MYO3B: variants seen among roughly 807,000 people sequenced by gnomAD.
The protein encoded by MYO3B is myosin-IIIb.
In MYO3B, 156 loss-of-function variants were observed where a neutral mutation model predicts 174.6. The observed-to-expected ratio is 0.89, with a 90% CI of 0.78 to 1.02. The LOEUF is 1.02. Ranked by LOEUF, MYO3B falls within the 50% of genes least tolerant of loss-of-function variation. MYO3B has a pLI of 0.00. For synonymous variants in MYO3B, 563 were observed against 569.1 expected, an observed-to-expected ratio of 0.99 and a Z score of 0.15; for missense variants, 1,632 against 1,639.4, an observed-to-expected ratio of 1.00 and a Z score of 0.08.
intron 23 of MYO3B, among the ~76,000 whole-genome samples, chr2:170,446,425 C>T (rs1200324263): frequency 6.6e-6 from 1 of 152,130 alleles, no homozygotes; most frequent in African/African-American, 2.4e-5. Context: ...TGCCTCCCTC[C>T]CTGTACTATC....
intron 30 of MYO3B, among the ~76,000 whole-genome samples, chr2:170,538,897 A>G (rs773390183): frequency 2.0e-5 from 3 of 152,182 alleles, no homozygotes; most frequent in Non-Finnish European, 2.9e-5. Context: ...GCTTCTGCCC[A>G]TTTAGCTTAT....
At chr2:170,561,652 A>G (rs756113030) in intron 32 of MYO3B, among the ~76,000 whole-genome samples, 4 of 152,242 alleles carry the variant, frequency 2.6e-5, no homozygotes, top group Admixed American at 6.5e-5. Context: ...TGTAAAGACT[A>G]TCAATTTTAT....
intron 7 of MYO3B, among the ~76,000 whole-genome samples, chr2:170,254,014 A>T (rs909611264): frequency 6.6e-6 from 1 of 152,156 alleles, no homozygotes; most frequent in Non-Finnish European, 1.5e-5. Context: ...GAGAAAAAAC[A>T]CTGAAAGTTG....
At chr2:170,412,220 C>T (rs2094550429) in intron 22 of MYO3B, 1 of 152,122 alleles carries the variant, frequency 6.6e-6, no homozygotes, top group Non-Finnish European at 1.5e-5. Context: ...GAGAGAAAAG[C>T]TTAAAAGGCT....
chr2:170,503,317 C>G (rs1189810206), intron 28 of MYO3B, among the ~76,000 whole-genome samples: 5 of 152,202 alleles, frequency 3.3e-5, no homozygotes, highest in African/African-American at 7.2e-5. Flanking sequence ...TGCTGTAAAA[C>G]AGAAATGGGT....
intron 28 of MYO3B, among the ~76,000 whole-genome samples, chr2:170,514,401 A>G (rs1405033428): frequency 6.6e-6 from 1 of 152,236 alleles, no homozygotes; most frequent in Non-Finnish European, 1.5e-5. Flanking sequence ...CAGCATAATA[A>G]AAATCTATGA....
intron 21 of MYO3B, among the ~76,000 whole-genome samples, chr2:170,406,651 C>T (rs1032797414): frequency 1.3e-5 from 2 of 150,090 alleles, no homozygotes; most frequent in Non-Finnish European, 1.5e-5. Flanking sequence ...ACCTCTCTGT[C>T]CTTTTATAAC....
At chr2:170,280,637 T>G (rs1337384060) in intron 7 of MYO3B, among the ~76,000 whole-genome samples, 1 of 151,996 alleles carries the variant, frequency 6.6e-6, no homozygotes, top group Non-Finnish European at 1.5e-5. Flanking sequence ...TAATCTATCT[T>G]GAATTGAATT....
intron 32 of MYO3B, among the ~76,000 whole-genome samples, chr2:170,551,351 T>TTATTTATTTATTC (rs1553520403): frequency 7.5e-6 from 1 of 133,626 alleles, no homozygotes. Flanking sequence ...TTAATTTAAT[T>TTATTTATTTATTC]ATTTATTTAT....
intron 1 of MYO3B, among the ~76,000 whole-genome samples, chr2:170,197,018 G>GA (rs1553561081): frequency 3.5e-5 from 5 of 144,234 alleles, no homozygotes; most frequent in South Asian, 4.4e-4. Context: ...ATCTTTTCAG[G>GA]TTTTTTTTTT....
chr2:170,478,524 CA>C (rs1685455274), intron 25 of MYO3B, among the ~76,000 whole-genome samples: 1 of 11,182 alleles, frequency 8.9e-5, no homozygotes, highest in Non-Finnish European at 1.6e-4. Context: ...TGTTATTGTA[CA>C]CACACACACA....
chr2:170,482,924 C>T (rs1400993343), intron 25 of MYO3B, among the ~76,000 whole-genome samples: 1 of 152,242 alleles, frequency 6.6e-6, no homozygotes, highest in East Asian at 1.9e-4. Flanking sequence ...GCTGAGGACC[C>T]TTTCTTAGTT....
At chr2:170,415,141 T>C (rs1226274663) in intron 22 of MYO3B, among the ~76,000 whole-genome samples, 1 of 152,250 alleles carries the variant, frequency 6.6e-6, no homozygotes, top group African/African-American at 2.4e-5. Context: ...AGGAGACATA[T>C]TGCTTTGTTC....
intron 32 of MYO3B, among the ~76,000 whole-genome samples, chr2:170,579,182 T>C (rs970741958): frequency 1.3e-5 from 2 of 152,186 alleles, no homozygotes; most frequent in Non-Finnish European, 2.9e-5. Flanking sequence ...CTGTAAACAA[T>C]ATGCTTTGTT....
intron 30 of MYO3B, among the ~76,000 whole-genome samples, chr2:170,534,378 A>T (rs546397929): frequency 2.7e-4 from 41 of 152,282 alleles, no homozygotes; most frequent in African/African-American, 9.9e-4. Context: ...CTAGAACAAA[A>T]CCCACAGTAT....
chr2:170,623,017 G>A (rs1575271474), intron 32 of MYO3B, among the ~76,000 whole-genome samples: 1 of 152,162 alleles, frequency 6.6e-6, no homozygotes, highest in East Asian at 1.9e-4. Flanking sequence ...ATTGTGAGTA[G>A]TGCCGCAGTA....
rs185653886 is a variant in MYO3B, at chr2:170,494,596, T to C, written c.3015-3996T>C. On this transcript the variant is annotated intron_variant, in intron 25 of 34. Transcript: ENST00000408978. ...TACAAAGGTTAGCCAGGTATGGTGG[T>C]ACATGCCTGTAATCCCAGCTACTCA... Among the ~76,000 whole-genome samples, 292 of 151,640 alleles carry C rather than the reference T, an allele frequency of 1.9e-3. 3 individuals carry two copies. The highest frequency in any genetic ancestry group is 6.8e-3 in the African/African-American group (282 of 41,360).
At chr2:170,589,344 C>G (rs1433699307) in intron 32 of MYO3B, among the ~76,000 whole-genome samples, 1 of 152,170 alleles carries the variant, frequency 6.6e-6, no homozygotes, top group African/African-American at 2.4e-5. Flanking sequence ...GACACCACCT[C>G]CTCAAGAAGA....
intron 22 of MYO3B, among the ~76,000 whole-genome samples, chr2:170,431,331 A>AACTCCACTAT (rs1366143016): frequency 1.3e-5 from 2 of 152,262 alleles, no homozygotes; most frequent in East Asian, 3.8e-4. Context: ...AAAACAGAGC[A>AACTCCACTAT]ACTCCACTAT....
Sources: allele counts gnomAD v4.1 joint callset (sites outside exome capture counted in the v4.1 genomes callset), GRCh38; gene constraint gnomAD v4.1.1; transcripts MANE v1.5; gene names NCBI Gene and HGNC (gene_info 2026-07-23, HGNC 2026-07-21).